Variants in CFAP46 observed in about 807,000 individuals in gnomAD.
The protein encoded by CFAP46 is cilia- and flagella-associated protein 46.
Under a neutral mutation model 325.7 loss-of-function variants are expected in CFAP46, and 245 were observed. The ratio of observed to expected loss-of-function variants is 0.75; its 90% CI spans 0.68 to 0.84. CFAP46 has a LOEUF of 0.84. Among genes scored for constraint, CFAP46 ranks in the 40% least tolerant of loss-of-function variants. The probability of loss-of-function intolerance (pLI) is 0.00; values close to 1 mark genes in which losing one functional copy is unlikely to be tolerated. For synonymous variants in CFAP46, 1,523 were observed against 1,495.9 expected (o/e 1.02, Z -0.42); for missense variants, 3,346 against 3,543.0 (o/e 0.94, Z 1.41).
In CFAP46 at chr10:132,914,032, G is replaced by A. The variant is rs550206924; in HGVS notation, c.2121-774C>T. Among the ~76,000 whole-genome samples the A allele has an allele frequency of 2.2e-4, 33 of 149,466 alleles. No homozygotes were observed. In the South Asian group the frequency reaches 5.3e-3, roughly 24 times the overall value. On this transcript the variant is annotated intron_variant, in intron 17 of 57. Coordinates refer to ENST00000368586, the MANE Select transcript of CFAP46 (RefSeq NM_001200049.3). ...CCTGCAAACCTCTGGCCCCCGCCCC[G>A]AGGCTGTGTCCAGCCACACTGCACC...
At chr10:132,861,116 C>G in intron 35 of CFAP46, 134 bp from the exon 36 acceptor site, 1 of 886,416 alleles carries the variant, frequency 1.1e-6, no homozygotes. Context: ...GAGGGGAAGA[C>G]AGGGCTGCTC....
Position 132,880,846 on chromosome 10 carries a change from G to T in CFAP46, c.3799+15C>A. ...GCGGCGTGGGGTCGGCACCCTGCCA[G>T]CGGCGTGGGCTCACCATCCGGCGTG... is the stretch of plus-strand genomic sequence containing the variant. On this transcript the variant is annotated intron_variant, in intron 28 of 57. Coordinates refer to ENST00000368586, the MANE Select transcript of CFAP46 (RefSeq NM_001200049.3). 6.5e-7 allele frequency: 1 copy of T among 1,541,980 alleles called. No individual in the cohort carries two copies. The highest frequency in any genetic ancestry group is 1.2e-5 in the South Asian group (1 of 83,900).
At chr10:132,910,251 C>A (rs924914526) in intron 19 of CFAP46, among the ~76,000 whole-genome samples, 183 bp from the exon 20 acceptor site, 1 of 152,246 alleles carries the variant, frequency 6.6e-6, no homozygotes, top group African/African-American at 2.4e-5. Context: ...GCCCCACCCC[C>A]AGACGCCGAG....
Position 132,836,289 on chromosome 10 carries a change from C to A in CFAP46, c.6537-71G>T, listed in dbSNP as rs550187253. 59 of 1,484,716 alleles carry A rather than the reference C, an allele frequency of 4.0e-5. 1 individual carries two copies. Among genetic ancestry groups the A allele is most frequent in the African/African-American group, 8.3e-5 (6 of 72,550 alleles). 92.0% of individuals were successfully genotyped at this position (1,484,716 alleles called of 1,614,324 possible). ...AACACACCTCACAGCCCAGCTCCAGCGACCTCAGAGGAGCCCAGTGAGGCC... is the reference window on the plus strand; with the variant it reads ...AACACACCTCACAGCCCAGCTCCAGAGACCTCAGAGGAGCCCAGTGAGGCC... On this transcript the variant is annotated intron_variant, in intron 45 of 57. Transcript: ENST00000368586.
At chr10:132,879,999 C>G (rs1174072012) in intron 28 of CFAP46, among the ~76,000 whole-genome samples, 1 of 152,118 alleles carries the variant, frequency 6.6e-6, no homozygotes, top group Non-Finnish European at 1.5e-5. Context: ...GAGCAGGGCC[C>G]CCACTCATCC....
chr10:132,904,049 T>C (rs980110729), intron 22 of CFAP46, among the ~76,000 whole-genome samples: 2 of 152,282 alleles, frequency 1.3e-5, no homozygotes, highest in Non-Finnish European at 2.9e-5. Context: ...TTGCTATTAG[T>C]GTAAAATGCT....
chr10:132,877,902 C>T lies in CFAP46; in HGVS notation c.4191G>A (p.Glu1397=). Residue 1397 remains glutamate (E), a synonymous_variant, in exon 30 of 58, where the codon GAG becomes GAA. Transcript: ENST00000368586. This position sits in a 1 kb window ranked among gnomAD's most constrained non-coding sequence, Gnocchi z 5.7. Reference sequence around the variant, plus strand: ...TCACCTGCTTGGGCTCCTTGACTTTCTCCTCCTTTCCCTTCTCCTTGTCCT... The same window carrying T: ...TCACCTGCTTGGGCTCCTTGACTTTTTCCTCCTTTCCCTTCTCCTTGTCCT... The part of the protein sequence containing the change: ...KEKDKEKGKE[E]KVKEPKQSQS... The T allele has an allele frequency of 1.3e-6, 2 of 1,548,952 alleles. No individual in the cohort carries two copies. Among genetic ancestry groups the T allele is most frequent in the South Asian group, 1.2e-5 (1 of 83,984 alleles).
intron 50 of CFAP46, among the ~76,000 whole-genome samples, chr10:132,824,732 G>GA (rs1564768196): frequency 8.0e-5 from 6 of 74,862 alleles, no homozygotes; most frequent in South Asian, 4.8e-4. Flanking sequence ...GATGTGTGCT[G>GA]TGTGTGTGCT....
intron 22 of CFAP46, among the ~76,000 whole-genome samples, chr10:132,906,115 C>T (rs564715786): frequency 2.2e-4 from 33 of 152,352 alleles, no homozygotes; most frequent in Non-Finnish European, 3.4e-4. Context: ...GAGAAAACAG[C>T]GGGACTGGGC....
Position 132,922,185 on chromosome 10 carries a change from G to C in CFAP46, c.1525C>G (p.Arg509Gly). Reference sequence around the variant, plus strand: ...AGGCCTGCATTCACCAGGAGGGCCCGCTTCTTCCTGACGCTGTCCTTTGGT... The same window carrying C: ...AGGCCTGCATTCACCAGGAGGGCCCCCTTCTTCCTGACGCTGTCCTTTGGT... ...ATPKDSVRKK[R>G]ALLVNAGLAL... Residue 509 changes from arginine to glycine, a missense_variant, in exon 13 of 58, where the codon CGG becomes GGG. Physicochemically the swap from Arg to Gly is moderately radical, Grantham distance 125 (BLOSUM62 -2). Coordinates refer to ENST00000368586, the MANE Select transcript of CFAP46 (RefSeq NM_001200049.3). The C allele has an allele frequency of 6.4e-7, 1 of 1,550,504 alleles. No individual in the cohort carries two copies. The highest frequency in any genetic ancestry group is 1.2e-5 in the South Asian group (1 of 84,066).
intron 41 of CFAP46, among the ~76,000 whole-genome samples, chr10:132,848,380 G>A (rs1163177106): frequency 6.6e-6 from 1 of 152,220 alleles, no homozygotes; most frequent in African/African-American, 2.4e-5. Flanking sequence ...ACAGCCACAG[G>A]CAGAGAGAGA....
intron 50 of CFAP46, among the ~76,000 whole-genome samples, chr10:132,829,981 ATT>A (rs74258812): frequency 1.2e-4 from 17 of 142,940 alleles, no homozygotes; most frequent in African/African-American, 2.0e-4. Flanking sequence ...ATATTGGTCC[ATT>A]TTTTTTTTTT....
At chr10:132,862,931 T>C (rs954436961) in intron 35 of CFAP46, among the ~76,000 whole-genome samples, 1 of 151,940 alleles carries the variant, frequency 6.6e-6, no homozygotes, top group Non-Finnish European at 1.5e-5. Flanking sequence ...GAGGGCAAAG[T>C]TGAGGACGGG....
At chr10:132,927,437 G>A (rs558671575) in intron 9 of CFAP46, among the ~76,000 whole-genome samples, 34 of 152,194 alleles carry the variant, frequency 2.2e-4, no homozygotes, top group African/African-American at 7.5e-4. Flanking sequence ...GGCGGCAGAC[G>A]TCCACAAGCA....
intron 39 of CFAP46, among the ~76,000 whole-genome samples, chr10:132,857,196 T>A (rs1345158726): frequency 6.6e-6 from 1 of 152,220 alleles, no homozygotes; most frequent in Non-Finnish European, 1.5e-5. Flanking sequence ...CTCCGGGGCC[T>A]CCCTCGAAGG....
chr10:132,809,403 G>A (rs904025234), intron 57 of CFAP46, among the ~76,000 whole-genome samples: 4 of 152,210 alleles, frequency 2.6e-5, no homozygotes, highest in African/African-American at 4.8e-5. Context: ...ACATCACGGC[G>A]GCATCCGTGT....
chr10:132,879,920 C>T (rs966380221), intron 28 of CFAP46, among the ~76,000 whole-genome samples: 1 of 152,130 alleles, frequency 6.6e-6, no homozygotes, highest in Non-Finnish European at 1.5e-5. Context: ...GTCCTGGAAG[C>T]CTCATGAGCT....
chr10:132,912,690 C>A lies in CFAP46; in HGVS notation c.2464G>T (p.Ala822Ser), dbSNP rs772635236. 7 of 1,549,662 alleles carry A rather than the reference C, an allele frequency of 4.5e-6. No homozygotes were observed. In the South Asian group the frequency reaches 5.9e-5, roughly 13 times the overall value. Residue 822 changes from alanine to serine, a missense_variant, in exon 19 of 58, where the codon GCA (alanine) becomes TCA (serine). Physicochemically the swap from Ala to Ser is moderately conservative, Grantham distance 99 (BLOSUM62 1). Transcript: ENST00000368586. ...GTTTTGATCTCGGAAGTGGCTCCTG[C>A]GTCCAGTGGGCTGTGAAACGCGTTT... is the stretch of plus-strand genomic sequence containing the variant. ...RPNAFHSPLD[A>S]GATSEIKTAV...
At chr10:132,908,153 G>T (rs993552282) in intron 22 of CFAP46, among the ~76,000 whole-genome samples, 1 of 152,264 alleles carries the variant, frequency 6.6e-6, no homozygotes, top group Admixed American at 6.5e-5. Context: ...GCACGGGGCC[G>T]GCAGGACGGA....
Sources: gnomAD v4.1 joint callset for allele counts (sites outside exome capture counted in the v4.1 genomes callset) on GRCh38, gnomAD v4.1.1 for gene constraint, Gnocchi (gnomAD v3.1) non-coding constraint, MANE v1.5 for transcripts, NCBI Gene and HGNC (gene_info 2026-07-23, HGNC 2026-07-21) for gene names.